Variants in TMEM161B observed in about 807,000 individuals in gnomAD.
TMEM161B encodes transmembrane protein 161B.
Under a neutral mutation model 61.8 loss-of-function variants are expected in TMEM161B, and 34 were observed. The ratio of observed to expected loss-of-function variants is 0.55; its 90% CI spans 0.42 to 0.73. TMEM161B has a LOEUF of 0.73. TMEM161B is among the 30% of genes least tolerant of loss of function. The pLI, the probability that TMEM161B is intolerant of heterozygous loss-of-function variation, is 0.00. For missense variants in TMEM161B, 456 were observed against 558.5 expected (o/e 0.82, Z 1.85); for synonymous variants, 167 against 192.8 (o/e 0.87, Z 1.11).
chr5:88,267,486 T>C (rs548785844), intron 1 of TMEM161B, among the ~76,000 whole-genome samples: 39 of 152,270 alleles, frequency 2.6e-4, no homozygotes, highest in African/African-American at 9.1e-4. Context: ...TAACTGAATG[T>C]TGGCAATATT....
At chr5:88,261,469 G>A (rs967928506) in intron 1 of TMEM161B, among the ~76,000 whole-genome samples, 2 of 151,818 alleles carry the variant, frequency 1.3e-5, no homozygotes, top group Non-Finnish European at 2.9e-5. Flanking sequence ...AGACCCAGAA[G>A]AGCCAACACA....
chr5:88,267,347 T>TAA (rs552997121), intron 1 of TMEM161B, among the ~76,000 whole-genome samples: 1 of 146,426 alleles, frequency 6.8e-6, no homozygotes, highest in African/African-American at 2.5e-5. Flanking sequence ...CACTGAGGCT[T>TAA]AAAAAAAAAA....
At chr5:88,210,434 G>C (rs1011661238) in intron 5 of TMEM161B, among the ~76,000 whole-genome samples, 1 of 152,094 alleles carries the variant, frequency 6.6e-6, no homozygotes, top group Admixed American at 6.5e-5. Context: ...GTGATGTGCT[G>C]TGCACTGACT....
chr5:88,188,279 ATT>A (rs35094128), downstream of TMEM161B, among the ~76,000 whole-genome samples: 42,118 of 143,354 alleles, frequency 0.29, 6,961 homozygotes, highest in African/African-American at 0.44. Context: ...TAATTTTTGT[ATT>A]TTTTTTTTTT....
At chr5:88,249,039 G>A (rs1753990629) in intron 1 of TMEM161B, among the ~76,000 whole-genome samples, 1 of 152,032 alleles carries the variant, frequency 6.6e-6, no homozygotes, top group African/African-American at 2.4e-5. Context: ...GTAGCACAAA[G>A]AAAGGAAAGT....
downstream of TMEM161B, among the ~76,000 whole-genome samples, chr5:88,187,707 CCTT>C (rs1748438925): frequency 6.6e-6 from 1 of 151,996 alleles, no homozygotes; most frequent in Non-Finnish European, 1.5e-5. Flanking sequence ...TTTTATTTCT[CCTT>C]GAACCAATTT....
intron 2 of TMEM161B, among the ~76,000 whole-genome samples, chr5:88,237,084 T>C (rs1751975738): frequency 6.6e-6 from 1 of 152,190 alleles, no homozygotes; most frequent in South Asian, 2.1e-4. Flanking sequence ...ATCTGTTTCA[T>C]TTATCAGTGT....
At chr5:88,226,429 A>G (rs1307697976) in intron 3 of TMEM161B, among the ~76,000 whole-genome samples, 1 of 152,214 alleles carries the variant, frequency 6.6e-6, no homozygotes, top group Non-Finnish European at 1.5e-5. Context: ...TTTTAAAGAC[A>G]AACATATAGA....
intron 1 of TMEM161B, among the ~76,000 whole-genome samples, chr5:88,262,388 T>C (rs1755795259): frequency 6.6e-6 from 1 of 152,132 alleles, no homozygotes; most frequent in Non-Finnish European, 1.5e-5. Context: ...GATCCAGCAA[T>C]TGCACTTGCT....
Position 88,207,827 on chromosome 5 carries a change from C to A in TMEM161B, c.447-647G>T, listed in dbSNP as rs182498803. On this transcript the variant is annotated intron_variant, in intron 5 of 11. Transcript: ENST00000296595. ...TAGAACTCAGATTTCCATTATACAC[C>A]AAATTGTTCTCCTTGAAATCGCAAA... 1.1e-3 allele frequency among the ~76,000 whole-genome samples: 174 copies of A among 152,234 alleles called. 4 individuals are homozygous for A. The highest frequency in any genetic ancestry group is 1.2e-4 in the Non-Finnish European group (8 of 68,010).
chr5:88,193,325 TTATA>T (rs1749152790), downstream of TMEM161B, among the ~76,000 whole-genome samples: 1 of 152,020 alleles, frequency 6.6e-6, no homozygotes, highest in African/African-American at 2.4e-5. Flanking sequence ...AAAAATAACT[TTATA>T]TATGCTTTGA....
chr5:88,195,910 G>A lies in TMEM161B; in HGVS notation c.*301C>T. 9.0e-7 allele frequency: 1 copy of A among 1,106,542 alleles called. No individual in the cohort carries two copies. Among genetic ancestry groups the A allele is most frequent in the Non-Finnish European group, 1.1e-6 (1 of 906,680 alleles). The allele number at this position is 1,106,542 out of a possible 1,614,324, so 68.5% of individuals were successfully genotyped here. A position where few individuals can be genotyped will look rare whatever the true frequency, so the allele number is the denominator to read the frequency against. ...GTGAGATGTTTCAAAGACTGCTGGA[G>A]GTTTCTGTAAACCAGGGTAATCAGA... On this transcript the variant is annotated 3_prime_UTR_variant, in exon 12 of 12. Coordinates refer to ENST00000296595, the MANE Select transcript of TMEM161B (RefSeq NM_153354.5).
chr5:88,217,228 G>C (rs752050785), intron 5 of TMEM161B, among the ~76,000 whole-genome samples: 6 of 152,176 alleles, frequency 3.9e-5, no homozygotes, highest in Non-Finnish European at 8.8e-5. Context: ...CTGCACTACA[G>C]CCTGGGCAAC....
chr5:88,205,622 T>G (rs1745310402), intron 8 of TMEM161B, 192 bp downstream of exon 8: 1 of 541,298 alleles, frequency 1.8e-6, no homozygotes, highest in Non-Finnish European at 3.0e-6. Flanking sequence ...TGATGTATCT[T>G]TTTAAATACA....
intron 5 of TMEM161B, among the ~76,000 whole-genome samples, chr5:88,219,675 C>T (rs1469037695): frequency 6.6e-6 from 1 of 152,034 alleles, no homozygotes; most frequent in Non-Finnish European, 1.5e-5. Context: ...CAAGAGACTT[C>T]AAAATTCTGA....
chr5:88,208,609 T>C (rs1030466066), intron 5 of TMEM161B, among the ~76,000 whole-genome samples: 2 of 152,130 alleles, frequency 1.3e-5, no homozygotes, highest in African/African-American at 4.8e-5. Flanking sequence ...ACCACTGCAC[T>C]CCAGTCTGGG....
chr5:88,266,912 C>A (rs901859040), intron 1 of TMEM161B, among the ~76,000 whole-genome samples: 2 of 152,154 alleles, frequency 1.3e-5, no homozygotes, highest in African/African-American at 4.8e-5. Flanking sequence ...AAATGACATT[C>A]AGAAAAACAG....
intron 1 of TMEM161B, among the ~76,000 whole-genome samples, chr5:88,256,786 T>C (rs965991528): frequency 6.6e-6 from 1 of 152,202 alleles, no homozygotes; most frequent in African/African-American, 2.4e-5. Context: ...GGATAAAGCA[T>C]AAATTTTTCC....
intron 5 of TMEM161B, among the ~76,000 whole-genome samples, chr5:88,217,256 C>G (rs1429144354): frequency 6.6e-6 from 1 of 152,002 alleles, no homozygotes; most frequent in Non-Finnish European, 1.5e-5. Flanking sequence ...GACTCTGTCT[C>G]TAAAAAAAAT....
Sources: gnomAD v4.1 joint callset for allele counts (sites outside exome capture counted in the v4.1 genomes callset) on GRCh38, gnomAD v4.1.1 for gene constraint, MANE v1.5 for transcripts, NCBI Gene and HGNC (gene_info 2026-07-23, HGNC 2026-07-21) for gene names.